SPIDR: variants seen among roughly 807,000 people sequenced by gnomAD.
The protein encoded by SPIDR is DNA repair-scaffolding protein.
SPIDR carries 93 observed loss-of-function variants against 104.6 expected under a neutral mutation model. That is an observed-to-expected ratio of 0.89 (90% CI 0.75 to 1.06). The LOEUF is 1.06. SPIDR is among the 50% of genes least tolerant of loss of function. SPIDR has a pLI of 0.00. For synonymous variants in SPIDR, 431 were observed against 416.9 expected, an observed-to-expected ratio of 1.03 and a Z score of -0.41; for missense variants, 1,154 against 1,111.2, an observed-to-expected ratio of 1.04 and a Z score of -0.55.
intron 8 of SPIDR, among the ~76,000 whole-genome samples, chr8:47,574,615 T>TA (rs569771750): frequency 1.7e-4 from 26 of 150,804 alleles, no homozygotes; most frequent in Admixed American, 9.9e-4. Flanking sequence ...AAAATAAAAA[T>TA]AAAAAAAAAT....
At chr8:47,423,104 G>C (rs1554682251) in intron 7 of SPIDR, among the ~76,000 whole-genome samples, 1 of 152,046 alleles carries the variant, frequency 6.6e-6, no homozygotes, top group African/African-American at 2.4e-5. Flanking sequence ...AGGAGTTCGA[G>C]ACCAGCCTGG....
At chr8:47,379,256 G>T (rs921575052) in intron 5 of SPIDR, among the ~76,000 whole-genome samples, 1 of 152,174 alleles carries the variant, frequency 6.6e-6, no homozygotes, top group Non-Finnish European at 1.5e-5. Flanking sequence ...CATATAATAA[G>T]AAGTTAGAAG....
intron 8 of SPIDR, among the ~76,000 whole-genome samples, chr8:47,510,457 T>G (rs1183631306): frequency 6.6e-6 from 1 of 152,258 alleles, no homozygotes; most frequent in Non-Finnish European, 1.5e-5. Flanking sequence ...AAAAAAATTA[T>G]GTGCATAAAG....
chr8:47,539,747 T>TAA (rs527539176), intron 8 of SPIDR, among the ~76,000 whole-genome samples: 19 of 139,536 alleles, frequency 1.4e-4, no homozygotes, highest in African/African-American at 3.1e-4. Context: ...CTTTTCTTCT[T>TAA]AAAAAAAAAA....
intron 10 of SPIDR, among the ~76,000 whole-genome samples, chr8:47,636,459 A>G (rs1436491909): frequency 6.6e-6 from 1 of 152,192 alleles, no homozygotes; most frequent in East Asian, 1.9e-4. Context: ...AAAAACTGGA[A>G]GTGATTAAGC....
At chr8:47,431,485 C>T (rs1041220561) in intron 7 of SPIDR, among the ~76,000 whole-genome samples, 1 of 152,140 alleles carries the variant, frequency 6.6e-6, no homozygotes, top group African/African-American at 2.4e-5. Flanking sequence ...CATTTCATTG[C>T]CCACTCACCT....
chr8:47,635,407 C>G (rs2067746035), intron 10 of SPIDR, among the ~76,000 whole-genome samples: 2 of 152,098 alleles, frequency 1.3e-5, no homozygotes, highest in South Asian at 4.1e-4. Flanking sequence ...AGGATAAATG[C>G]TTGAGGGATA....
intron 1 of SPIDR, among the ~76,000 whole-genome samples, chr8:47,266,607 T>C (rs2034110493): frequency 6.6e-6 from 1 of 152,230 alleles, no homozygotes. Context: ...TAAGTTTTCA[T>C]TTCTCTGAGA....
chr8:47,562,951 T>G (rs1050722109), intron 8 of SPIDR, among the ~76,000 whole-genome samples: 2 of 152,180 alleles, frequency 1.3e-5, no homozygotes, highest in African/African-American at 4.8e-5. Flanking sequence ...AACTCTGTTT[T>G]GATGTATGAC....
intron 10 of SPIDR, among the ~76,000 whole-genome samples, chr8:47,663,783 A>G (rs1397446783): frequency 6.6e-6 from 1 of 152,246 alleles, no homozygotes; most frequent in Non-Finnish European, 1.5e-5. Flanking sequence ...CACACGACAC[A>G]TGCTAATCAT....
At chr8:47,600,921 G>A (rs576830044) in intron 10 of SPIDR, among the ~76,000 whole-genome samples, 1 of 152,290 alleles carries the variant, frequency 6.6e-6, no homozygotes, top group African/African-American at 2.4e-5. Flanking sequence ...CTGACAGTGC[G>A]GTTGCTTCCT....
rs1554668976 is a variant in SPIDR at position 47,408,605 on chromosome 8, A to G, written c.877+644A>G. On this transcript the variant is annotated intron_variant, in intron 7 of 19. Transcript: ENST00000297423. The stretch of plus-strand genomic sequence containing the variant: ...TCTGTAGCCAGAGCACTATTAGTCA[A>G]GAAAAAGAGATAAAAGATATCCAAG... 2.0e-5 allele frequency among the ~76,000 whole-genome samples: 3 copies of G among 152,186 alleles called. No individual in the cohort carries two copies. The South Asian group carries it at 6.2e-4, about 31-fold the overall frequency.
intron 7 of SPIDR, chr8:47,419,112 T>A (rs1412280900): frequency 6.6e-6 from 1 of 152,222 alleles, no homozygotes; most frequent in Non-Finnish European, 1.5e-5. Context: ...GGCTTTGGTA[T>A]CAGGATGATG....
chr8:47,416,133 A>G (rs2064241827), intron 7 of SPIDR, among the ~76,000 whole-genome samples: 1 of 152,196 alleles, frequency 6.6e-6, no homozygotes, highest in Non-Finnish European at 1.5e-5. Context: ...AATCTCAGCT[A>G]CGCAGGAGGC....
intron 10 of SPIDR, among the ~76,000 whole-genome samples, chr8:47,651,421 T>C (rs1359449696): frequency 1.3e-4 from 20 of 152,012 alleles, no homozygotes; most frequent in Admixed American, 1.3e-3. Context: ...CCCTCAAGAA[T>C]GGACATTATT....
At chr8:47,263,392 CT>C (rs370260027) in intron 1 of SPIDR, among the ~76,000 whole-genome samples, 5 of 148,916 alleles carry the variant, frequency 3.4e-5, no homozygotes, top group Non-Finnish European at 3.0e-5. Flanking sequence ...TGATTGAAAC[CT>C]TTTTTTTTTG....
intron 10 of SPIDR, among the ~76,000 whole-genome samples, chr8:47,635,796 C>G (rs549205224): frequency 1.3e-5 from 2 of 152,274 alleles, no homozygotes; most frequent in African/African-American, 4.8e-5. Flanking sequence ...CTTCTGACCT[C>G]TGGGAGGAAG....
chr8:47,735,095 GGTGTGTGTGTGTGTGGGT>G (rs1445574596), intron 19 of SPIDR, among the ~76,000 whole-genome samples, 194 bp from the exon 20 acceptor site: 174 of 146,152 alleles, frequency 1.2e-3, no homozygotes, highest in Admixed American at 4.3e-3. Flanking sequence ...TGGGTGTGTG[GGTGTGTGTGTGTGTGGGT>G]GTGTGTGTGT....
At chr8:47,658,956 A>AG (rs199712863) in intron 10 of SPIDR, among the ~76,000 whole-genome samples, 3,226 of 151,390 alleles carry the variant, frequency 0.021, 109 homozygotes, top group African/African-American at 0.074. Context: ...AAAAAAAAAA[A>AG]AAAAGAAAAG....
Sources: gnomAD v4.1 joint callset for allele counts (sites outside exome capture counted in the v4.1 genomes callset) on GRCh38, gnomAD v4.1.1 for gene constraint, MANE v1.5 for transcripts, NCBI Gene and HGNC (gene_info 2026-07-23, HGNC 2026-07-21) for gene names.